Variants in PMFBP1 observed in about 807,000 individuals in gnomAD.
PMFBP1 encodes the protein polyamine modulated factor 1 binding protein 1.
A neutral mutation model predicts 137.8 loss-of-function variants in PMFBP1; 131 were observed. That is an observed-to-expected ratio of 0.95 (90% CI 0.82 to 1.10). The LOEUF is 1.10. Among genes scored for constraint, PMFBP1 ranks in the 50% least tolerant of loss-of-function variants. The probability of loss-of-function intolerance (pLI) is 0.00; values close to 1 mark genes in which losing one functional copy is unlikely to be tolerated. For missense variants in PMFBP1, 1,199 were observed against 1,175.4 expected, an observed-to-expected ratio of 1.02 and a Z score of -0.29; for synonymous variants, 490 against 450.4, an observed-to-expected ratio of 1.09 and a Z score of -1.11.
At chr16:72,198,298 T>G in the PMFBP1 span, among the ~76,000 whole-genome samples, 1 of 152,202 alleles carries the variant, frequency 6.6e-6, no homozygotes, top group African/African-American at 2.4e-5. Context: ...TTGTGCAGAA[T>G]GCAATTGAAT....
the PMFBP1 span, among the ~76,000 whole-genome samples, chr16:72,181,900 C>T: frequency 1.3e-4 from 20 of 152,134 alleles, no homozygotes; most frequent in Non-Finnish European, 2.4e-4. Context: ...TTCCCTGAGC[C>T]ACATTGGAAG....
At chr16:72,124,719 T>C in intron 17 of PMFBP1, 48 bp downstream of exon 17, 1 of 1,591,804 alleles carries the variant, frequency 6.3e-7, no homozygotes, top group Non-Finnish European at 8.6e-7. Flanking sequence ...TCATAGGATG[T>C]GCCTGGAGGC....
chr16:72,161,718 C>T (rs2043065310), intron 3 of PMFBP1, among the ~76,000 whole-genome samples: 1 of 152,084 alleles, frequency 6.6e-6, no homozygotes, highest in Non-Finnish European at 1.5e-5. Context: ...TGGAAGATTA[C>T]TATGAACTAT....
the PMFBP1 span, among the ~76,000 whole-genome samples, chr16:72,216,796 G>A: frequency 6.6e-6 from 1 of 152,204 alleles, no homozygotes; most frequent in African/African-American, 2.4e-5. Flanking sequence ...TTTGTTAAGA[G>A]TGGCTTCAGT....
the PMFBP1 span, among the ~76,000 whole-genome samples, chr16:72,246,768 T>C: frequency 3.9e-5 from 6 of 152,250 alleles, no homozygotes; most frequent in African/African-American, 1.2e-4. Context: ...GCAGAGACTA[T>C]ATTTATTTCT....
At chr16:72,228,099 T>C in the PMFBP1 span, among the ~76,000 whole-genome samples, 1 of 152,152 alleles carries the variant, frequency 6.6e-6, no homozygotes, top group Non-Finnish European at 1.5e-5. Context: ...TGGAAGCCTT[T>C]TGTTAAACAT....
At chr16:72,202,092 T>C in the PMFBP1 span, among the ~76,000 whole-genome samples, 4 of 152,320 alleles carry the variant, frequency 2.6e-5, no homozygotes, top group Non-Finnish European at 4.4e-5. Flanking sequence ...TCATTGTATA[T>C]CTTGTACACA....
At position 72,154,317 on chromosome 16, in the gene PMFBP1, T is replaced by C. The variant is rs1477604871; in HGVS notation, c.308A>G (p.Glu103Gly). 1.2e-6 allele frequency: 2 copies of C among 1,614,152 alleles called. No individual in the cohort carries two copies. The highest frequency in any genetic ancestry group is 1.7e-6 in the Non-Finnish European group (2 of 1,180,010). ...GAGAGAATAGTAAGAAGTCTGCAACTCCTCTGTGTGAAACTCCAGTTCTTG... is the reference window on the plus strand; with the variant it reads ...GAGAGAATAGTAAGAAGTCTGCAACCCCTCTGTGTGAAACTCCAGTTCTTG... ...LQQELEFHTEELQTSYYSLRQ... is the reference protein window; with the variant it reads ...LQQELEFHTEGLQTSYYSLRQ... The change falls in exon 4 of 21, where the codon GAG becomes GGG. Residue 103 changes from glutamate to glycine, a missense_variant. Transcript: ENST00000237353.
chr16:72,248,598 C>A, the PMFBP1 span, among the ~76,000 whole-genome samples: 3 of 152,152 alleles, frequency 2.0e-5, no homozygotes, highest in Non-Finnish European at 4.4e-5. Context: ...ATGATTCAGA[C>A]CAAAACAAAT....
At chr16:72,134,067 A>G (rs1435853328) in intron 9 of PMFBP1, among the ~76,000 whole-genome samples, 2 of 152,156 alleles carry the variant, frequency 1.3e-5, no homozygotes, top group African/African-American at 2.4e-5. Flanking sequence ...GAAAACCCCA[A>G]TCAAGAGGTC....
intron 3 of PMFBP1, among the ~76,000 whole-genome samples, chr16:72,157,041 T>G (rs2042991472): frequency 6.6e-6 from 1 of 150,662 alleles, no homozygotes; most frequent in South Asian, 2.1e-4. Flanking sequence ...AAAAAAAAAT[T>G]AGCCGGGTGT....
chr16:72,232,982 G>A, the PMFBP1 span, among the ~76,000 whole-genome samples: 1 of 152,106 alleles, frequency 6.6e-6, no homozygotes, highest in Non-Finnish European at 1.5e-5. Flanking sequence ...ATACAGATGA[G>A]ACAGTGATTA....
At chr16:72,156,750 C>T (rs781646399) in intron 3 of PMFBP1, among the ~76,000 whole-genome samples, 10 of 152,088 alleles carry the variant, frequency 6.6e-5, no homozygotes, top group Non-Finnish European at 1.2e-4. Flanking sequence ...TTGGCAATTA[C>T]GAATACTGCT....
the PMFBP1 span, among the ~76,000 whole-genome samples, chr16:72,216,046 C>T: frequency 7.9e-5 from 12 of 152,310 alleles, no homozygotes; most frequent in African/African-American, 2.9e-4. Flanking sequence ...GACTGAGTCC[C>T]GGCCAATGGC....
rs181635047 is a variant in PMFBP1 at position 72,125,445 on chromosome 16, C to T, written c.2254-40G>A. ...AAAGAGGACGAATGGCTGTCAGAGACTTTGACCCTCTCTGCTGAGTCCTGA... is the reference window on the plus strand; with the variant it reads ...AAAGAGGACGAATGGCTGTCAGAGATTTTGACCCTCTCTGCTGAGTCCTGA... On this transcript the variant is annotated intron_variant, in intron 15 of 20. Coordinates refer to ENST00000237353, the MANE Select transcript of PMFBP1 (RefSeq NM_031293.3). 1.4e-3 allele frequency: 2,243 copies of T among 1,594,744 alleles called. 5 individuals are homozygous for T. The highest frequency in any genetic ancestry group is 3.4e-3 in the Admixed American group (191 of 56,866).
At chr16:72,181,110 G>A (rs868132741), upstream of PMFBP1, among the ~76,000 whole-genome samples, 19 of 151,706 alleles carry the variant, frequency 1.3e-4, no homozygotes, top group Admixed American at 3.9e-4. Context: ...GTGGTGGCGC[G>A]CGCCTGTAAT....
At chr16:72,212,662 A>G in the PMFBP1 span, among the ~76,000 whole-genome samples, 2 of 152,220 alleles carry the variant, frequency 1.3e-5, no homozygotes, top group Non-Finnish European at 2.9e-5. Flanking sequence ...GAAATTATCA[A>G]AGAAAATATA....
intron 3 of PMFBP1, chr16:72,164,299 A>C: frequency 1.2e-6 from 1 of 823,462 alleles, no homozygotes; most frequent in Admixed American, 2.4e-5. Context: ...TGCATCCAGA[A>C]GAAAAGCTTG....
chr16:72,217,178 G>T, the PMFBP1 span, among the ~76,000 whole-genome samples: 1 of 152,146 alleles, frequency 6.6e-6, no homozygotes, highest in Non-Finnish European at 1.5e-5. Flanking sequence ...AGAGGGAAGG[G>T]TATGCTGGTA....
Sources: gnomAD v4.1 joint callset for allele counts (sites outside exome capture counted in the v4.1 genomes callset) on GRCh38, gnomAD v4.1.1 for gene constraint, MANE v1.5 for transcripts, NCBI Gene and HGNC (gene_info 2026-07-23, HGNC 2026-07-21) for gene names.